The following DCAF10 variants were observed in gnomAD, a reference collection of about 807,000 sequenced individuals.
The protein encoded by DCAF10 is DDB1 and CUL4 associated factor 10.
A neutral mutation model predicts 51.9 loss-of-function variants in DCAF10; 19 were observed. The ratio of observed to expected loss-of-function variants is 0.37; its 90% CI spans 0.26 to 0.54. DCAF10 has a LOEUF of 0.54. Ranked by LOEUF, DCAF10 falls within the 20% of genes least tolerant of loss-of-function variation. The probability of loss-of-function intolerance (pLI) is 0.87; values close to 1 mark genes in which losing one functional copy is unlikely to be tolerated. For missense variants in DCAF10, 510 were observed against 730.6 expected (o/e 0.70, Z 3.48); for synonymous variants, 291 against 297.1 (o/e 0.98, Z 0.21).
intron 5 of DCAF10, among the ~76,000 whole-genome samples, chr9:37,858,851 A>T (rs903134247): frequency 6.6e-6 from 1 of 152,210 alleles, no homozygotes; most frequent in African/African-American, 2.4e-5. Context: ...ATAAAATCAA[A>T]GTAGCTCTGG....
chr9:37,848,802 G>A (rs1206857687), intron 3 of DCAF10, among the ~76,000 whole-genome samples: 4 of 151,732 alleles, frequency 2.6e-5, no homozygotes, highest in Non-Finnish European at 4.4e-5. Context: ...GTGAAATCCC[G>A]TCTCTACTAA....
chr9:37,841,444 A>T (rs538253907), intron 2 of DCAF10, among the ~76,000 whole-genome samples: 1 of 152,234 alleles, frequency 6.6e-6, no homozygotes, highest in Non-Finnish European at 1.5e-5. Flanking sequence ...TATTCTCACT[A>T]AGGATTGAGA....
chr9:37,846,771 A>G (rs1018390203), intron 3 of DCAF10, among the ~76,000 whole-genome samples: 2 of 152,114 alleles, frequency 1.3e-5, no homozygotes, highest in African/African-American at 4.8e-5. Flanking sequence ...TGGTAATTTA[A>G]AAATACTCCC....
Position 37,856,685 on chromosome 9 carries a change from C to T in DCAF10, c.1055-556C>T, listed in dbSNP as rs77360304. 1.0e-3 allele frequency among the ~76,000 whole-genome samples: 154 copies of T among 152,170 alleles called. No individual in the cohort carries two copies. The East Asian group carries it at 0.011, about 11-fold the overall frequency. ...CATAAACTTGGCACAGTGGTGCATG[C>T]CTTTAGGCCCAGCTACTCAGGAGGC... On this transcript the variant is annotated intron_variant, in intron 4 of 6. Transcript: ENST00000377724.
intron 2 of DCAF10, among the ~76,000 whole-genome samples, chr9:37,826,818 A>G (rs1165407798): frequency 7.0e-6 from 1 of 143,004 alleles, no homozygotes; most frequent in Admixed American, 7.1e-5. Context: ...ATACCACAAT[A>G]CCTTTTTTTT....
chr9:37,825,276 T>G (rs1366685493), intron 2 of DCAF10, among the ~76,000 whole-genome samples: 1 of 152,230 alleles, frequency 6.6e-6, no homozygotes, highest in East Asian at 1.9e-4. Context: ...TGCATGCATA[T>G]GTTCATTGCA....
At chr9:37,819,429 T>C (rs778954582) in intron 2 of DCAF10, 28 bp downstream of exon 2, 2 of 1,564,934 alleles carry the variant, frequency 1.3e-6, no homozygotes, top group Non-Finnish European at 1.8e-6. Context: ...AAAGTGAACT[T>C]TATCAGTGTG....
At position 37,862,265 on chromosome 9, in the gene DCAF10, T is replaced by TATCA. The variant is rs1211623288; in HGVS notation, c.*759_*762dup. The TATCA allele has an allele frequency of 6.6e-6, 1 of 152,652 alleles. No individual in the cohort carries two copies. The highest frequency in any genetic ancestry group is 1.5e-5 in the Non-Finnish European group (1 of 68,030). The allele number at this position is 152,652 out of a possible 1,614,324, so 9.5% of individuals were successfully genotyped here. A position where few individuals can be genotyped will look rare whatever the true frequency, so the allele number is the denominator to read the frequency against. ...GTATCCTTACTTGATATTTTGTTCC[T>TATCA]ATCAACAGCATTAGAAAGGAAAGGA... On this transcript the variant is annotated 3_prime_UTR_variant, in exon 7 of 7. Coordinates refer to ENST00000377724, the MANE Select transcript of DCAF10 (RefSeq NM_024345.5).
At chr9:37,826,950 C>G (rs1829870654) in intron 2 of DCAF10, among the ~76,000 whole-genome samples, 1 of 151,640 alleles carries the variant, frequency 6.6e-6, no homozygotes, top group Non-Finnish European at 1.5e-5. Flanking sequence ...CTCAGCCTCC[C>G]AAGTAGCTGG....
Position 37,863,859 on chromosome 9 carries a change from G to A in DCAF10, c.*2351G>A, listed in dbSNP as rs1028849864. The A allele has an allele frequency of 2.6e-5, 4 of 152,134 alleles. No homozygotes were observed. The highest frequency in any genetic ancestry group is 5.9e-5 in the Non-Finnish European group (4 of 68,030). The allele number at this position is 152,134 out of a possible 1,614,324, so 9.4% of individuals were successfully genotyped here. A position where few individuals can be genotyped will look rare whatever the true frequency, so the allele number is the denominator to read the frequency against. On this transcript the variant is annotated 3_prime_UTR_variant, in exon 7 of 7. Coordinates refer to ENST00000377724, the MANE Select transcript of DCAF10 (RefSeq NM_024345.5). Reference sequence around the variant, plus strand: ...AGAGGTTATAAGGATCTTGGCTCTAGAACAAATTTTTGAAATTAGATCATT... The same window carrying A: ...AGAGGTTATAAGGATCTTGGCTCTAAAACAAATTTTTGAAATTAGATCATT...
chr9:37,821,457 A>G (rs539491974), intron 2 of DCAF10, among the ~76,000 whole-genome samples: 10 of 152,296 alleles, frequency 6.6e-5, no homozygotes, highest in Non-Finnish European at 1.5e-4. Flanking sequence ...AAAAATGTCA[A>G]GCTGCCCAGA....
At chr9:37,848,588 A>C (rs1222971337) in intron 3 of DCAF10, among the ~76,000 whole-genome samples, 1 of 152,190 alleles carries the variant, frequency 6.6e-6, no homozygotes, top group African/African-American at 2.4e-5. Flanking sequence ...AGTGATTGCT[A>C]ATGGGCAGGA....
intron 3 of DCAF10, 53 bp downstream of exon 3, chr9:37,842,339 A>C: frequency 6.5e-7 from 1 of 1,531,098 alleles, no homozygotes; most frequent in Non-Finnish European, 8.8e-7. Context: ...TTTTTTTTAA[A>C]GATGGTGAAC....
intron 2 of DCAF10, among the ~76,000 whole-genome samples, chr9:37,837,731 A>C (rs1830212064): frequency 6.6e-6 from 1 of 151,940 alleles, no homozygotes; most frequent in Admixed American, 6.6e-5. Flanking sequence ...TTTCCTTCAC[A>C]TCTTTGGAGT....
rs1829931197 is a variant in DCAF10 at position 37,828,914 on chromosome 9, T to C, written c.653+9513T>C. 3.9e-5 allele frequency among the ~76,000 whole-genome samples: 6 copies of C among 152,308 alleles called. No homozygotes were observed. In the South Asian group the frequency reaches 1.0e-3, roughly 26 times the overall value. The stretch of plus-strand genomic sequence containing the variant: ...TAAAGTTTTAGGAGAAAGTATAGAA[T>C]ATAGTTGTATTCTAAGTGTAAGAAA... On this transcript the variant is annotated intron_variant, in intron 2 of 6. Transcript: ENST00000377724.
chr9:37,806,484 T>C (rs532934999), intron 1 of DCAF10, among the ~76,000 whole-genome samples: 28 of 152,092 alleles, frequency 1.8e-4, no homozygotes, highest in South Asian at 8.3e-4. Context: ...TCCCTAAGAG[T>C]AGGGCTGCCT....
At chr9:37,838,661 C>A (rs751508387) in intron 2 of DCAF10, among the ~76,000 whole-genome samples, 6 of 152,058 alleles carry the variant, frequency 3.9e-5, no homozygotes, top group Non-Finnish European at 5.9e-5. Flanking sequence ...GAGGCCGAGG[C>A]AGGCAGATCA....
intron 1 of DCAF10, among the ~76,000 whole-genome samples, chr9:37,802,666 T>A (rs1828992639): frequency 6.6e-6 from 1 of 152,154 alleles, no homozygotes; most frequent in Non-Finnish European, 1.5e-5. Flanking sequence ...TCCATTTCAA[T>A]GATGGAAGCG....
chr9:37,847,461 A>C (rs1830513454), intron 3 of DCAF10, among the ~76,000 whole-genome samples: 1 of 152,146 alleles, frequency 6.6e-6, no homozygotes, highest in South Asian at 2.1e-4. Flanking sequence ...AATAAAGGTC[A>C]AAACCCATAT....
Sources: gnomAD v4.1 joint callset for allele counts (sites outside exome capture counted in the v4.1 genomes callset) on GRCh38, gnomAD v4.1.1 for gene constraint, MANE v1.5 for transcripts, NCBI Gene and HGNC (gene_info 2026-07-23, HGNC 2026-07-21) for gene names.